Variants in DRG1 observed in about 807,000 individuals in gnomAD.
DRG1 encodes developmentally regulated GTP binding protein 1.
A neutral mutation model predicts 38.8 loss-of-function variants in DRG1; 19 were observed. The ratio of observed to expected loss-of-function variants is 0.49; its 90% CI spans 0.34 to 0.72. The LOEUF (loss-of-function observed/expected upper bound fraction) is 0.72. Among genes scored for constraint, DRG1 ranks in the 30% least tolerant of loss-of-function variants. The probability of loss-of-function intolerance (pLI) is 0.01; values close to 1 mark genes in which losing one functional copy is unlikely to be tolerated. For missense variants in DRG1, 299 were observed against 444.8 expected, an observed-to-expected ratio of 0.67 and a Z score of 2.95; for synonymous variants, 167 against 157.5, an observed-to-expected ratio of 1.06 and a Z score of -0.45.
intron 8 of DRG1, among the ~76,000 whole-genome samples, chr22:31,429,283 TAATTTTTGTATTTTTAGTAGA>T (rs1276673059): frequency 6.6e-6 from 1 of 152,016 alleles, no homozygotes; most frequent in African/African-American, 2.4e-5. Context: ...CGTGCCCGGC[TAATTTTTGTATTTTTAGTAGA>T]AATTTTTGTA....
chr22:31,416,538 T>G (rs1260257149), intron 4 of DRG1, among the ~76,000 whole-genome samples: 1 of 151,554 alleles, frequency 6.6e-6, no homozygotes, highest in African/African-American at 2.4e-5. Flanking sequence ...GTGGATCACC[T>G]GAGGTCAGGA....
At chr22:31,416,916 AT>A (rs1470167539) in intron 4 of DRG1, among the ~76,000 whole-genome samples, 2 of 131,844 alleles carry the variant, frequency 1.5e-5, no homozygotes, top group East Asian at 4.7e-4. Context: ...AAAAAAAAAA[AT>A]AGCTGGATGT....
At chr22:31,412,441 C>G (rs1305544004) in intron 4 of DRG1, among the ~76,000 whole-genome samples, 1 of 148,436 alleles carries the variant, frequency 6.7e-6, no homozygotes, top group East Asian at 2.0e-4. Flanking sequence ...AGCTCCGCCT[C>G]CCGGGCTCAT....
intron 1 of DRG1, 126 bp from the exon 2 acceptor site, chr22:31,400,494 T>C (rs2049954922): frequency 8.1e-7 from 1 of 1,228,278 alleles, no homozygotes. Flanking sequence ...AATGGACTTT[T>C]ACTCTTTTAA....
Position 31,434,365 on chromosome 22 carries a change from T to C in DRG1, c.*394T>C, listed in dbSNP as rs5749272. ...ATGGGAACCCCTTCCAAACTAGATA[T>C]GGCTTTCAGTCCTTTCAAGTAGTCT... On this transcript the variant is annotated 3_prime_UTR_variant, in exon 9 of 9. Coordinates refer to ENST00000331457, the MANE Select transcript of DRG1 (RefSeq NM_004147.4). 73,640 of 196,378 alleles carry C rather than the reference T, an allele frequency of 0.37. 15,490 individuals are homozygous for C. Among genetic ancestry groups the C allele is most frequent in the East Asian group, 0.9 (5,838 of 6,508 alleles). The allele number at this position is 196,378 out of a possible 1,614,324, so 12.2% of individuals were successfully genotyped here.
intron 6 of DRG1, among the ~76,000 whole-genome samples, chr22:31,425,569 T>C (rs2050105591): frequency 6.6e-6 from 1 of 151,886 alleles, no homozygotes; most frequent in Admixed American, 6.6e-5. Context: ...ACCTCCTGAG[T>C]AGCTGGGACT....
chr22:31,413,420 G>C lies in DRG1; in HGVS notation c.412+2339G>C, dbSNP rs529704053. 1.3e-4 allele frequency among the ~76,000 whole-genome samples: 20 copies of C among 151,850 alleles called. No homozygotes were observed. The East Asian group carries it at 3.1e-3, about 24-fold the overall frequency. ...TTTTAATTTTTTAAAATTATCTTTT[G>C]TCTCTTAATTTTTTCTTTATGTGAT... is the stretch of plus-strand genomic sequence containing the variant. On this transcript the variant is annotated intron_variant, in intron 4 of 8. Transcript: ENST00000331457.
intron 1 of DRG1, 89 bp downstream of exon 1, chr22:31,399,814 A>G: frequency 1.3e-6 from 2 of 1,596,440 alleles, no homozygotes. Flanking sequence ...GAGCCGCGTC[A>G]GGACCGGGCC....
At chr22:31,426,221 T>C (rs1224665345) in intron 6 of DRG1, among the ~76,000 whole-genome samples, 1 of 152,166 alleles carries the variant, frequency 6.6e-6, no homozygotes, top group Non-Finnish European at 1.5e-5. Context: ...CTGCAGATGC[T>C]CAAGGCCCTT....
intron 2 of DRG1, among the ~76,000 whole-genome samples, chr22:31,401,825 G>A (rs2049962691): frequency 6.6e-6 from 1 of 151,904 alleles, no homozygotes; most frequent in African/African-American, 2.4e-5. Context: ...AGGCCGAAGT[G>A]GGCAGATCAC....
intron 3 of DRG1, 123 bp downstream of exon 3, chr22:31,403,327 GGGGAA>G: frequency 2.8e-6 from 3 of 1,054,050 alleles, no homozygotes; most frequent in Non-Finnish European, 4.0e-6. Flanking sequence ...CTACCTGGTA[GGGGAA>G]ATAGAGCAGT....
At chr22:31,410,642 C>T (rs1178433179) in intron 3 of DRG1, among the ~76,000 whole-genome samples, 2 of 152,058 alleles carry the variant, frequency 1.3e-5, no homozygotes, top group Non-Finnish European at 2.9e-5. Flanking sequence ...GTGAAATCCC[C>T]GTCTGTACTA....
At chr22:31,425,436 A>G (rs923381976) in intron 6 of DRG1, among the ~76,000 whole-genome samples, 1 of 144,746 alleles carries the variant, frequency 6.9e-6, no homozygotes, top group African/African-American at 2.5e-5. Context: ...TTCATGATAC[A>G]TTACTTTTTT....
intron 4 of DRG1, among the ~76,000 whole-genome samples, chr22:31,412,588 ATCCGCCCGCCTCGGCC>A (rs2050023981): frequency 6.6e-6 from 1 of 151,658 alleles, no homozygotes; most frequent in South Asian, 2.1e-4. Context: ...TGACCTCGTG[ATCCGCCCGCCTCGGCC>A]TCCCAAAGTG....
intron 5 of DRG1, among the ~76,000 whole-genome samples, chr22:31,420,646 A>G (rs530662815): frequency 2.6e-5 from 4 of 152,162 alleles, no homozygotes; most frequent in African/African-American, 4.8e-5. Flanking sequence ...TGGATTATCT[A>G]TTGGGAATGA....
At chr22:31,416,412 GC>G (rs2050044643) in intron 4 of DRG1, among the ~76,000 whole-genome samples, 1 of 152,150 alleles carries the variant, frequency 6.6e-6, no homozygotes, top group African/African-American at 2.4e-5. Flanking sequence ...CTGGCCCCTG[GC>G]TGCCTCTCTG....
intron 6 of DRG1, 111 bp downstream of exon 6, chr22:31,423,521 GTCTTT>G: frequency 3.0e-6 from 2 of 665,670 alleles, no homozygotes; most frequent in Non-Finnish European, 2.3e-6. Context: ...TTGTCCTACT[GTCTTT>G]TTTTTTTTTT....
intron 6 of DRG1, among the ~76,000 whole-genome samples, chr22:31,426,065 T>G (rs2050108610): frequency 6.6e-6 from 1 of 152,158 alleles, no homozygotes. Flanking sequence ...AAACACTTAT[T>G]TTTTAGTCTT....
chr22:31,434,139 G>T lies in DRG1; in HGVS notation c.*168G>T. 1.7e-6 allele frequency: 1 copy of T among 591,348 alleles called. No homozygotes were observed. Among genetic ancestry groups the T allele is most frequent in the Admixed American group, 2.9e-5 (1 of 35,026 alleles). 36.6% of individuals were successfully genotyped at this position (591,348 alleles called of 1,614,324 possible). A position where few individuals can be genotyped will look rare whatever the true frequency, so the allele number is the denominator to read the frequency against. ...ATTTGTCTTACCTTGGTGTCACCTT[G>T]TATGTCGAACTGCATAAAAGATCTG... On this transcript the variant is annotated 3_prime_UTR_variant, in exon 9 of 9. Coordinates refer to ENST00000331457, the MANE Select transcript of DRG1 (RefSeq NM_004147.4).
Sources: gnomAD v4.1 joint callset for allele counts (sites outside exome capture counted in the v4.1 genomes callset) on GRCh38, gnomAD v4.1.1 for gene constraint, MANE v1.5 for transcripts, NCBI Gene and HGNC (gene_info 2026-07-23, HGNC 2026-07-21) for gene names.